TLL1: variants seen among roughly 807,000 people sequenced by gnomAD.
The protein encoded by TLL1 is tolloid-like protein 1.
Under a neutral mutation model 128.2 loss-of-function variants are expected in TLL1, and 49 were observed. That is an observed-to-expected ratio of 0.38 (90% confidence interval 0.30 to 0.48). TLL1 has a LOEUF of 0.48. Among genes scored for constraint, TLL1 ranks in the 20% least tolerant of loss-of-function variants. The probability of loss-of-function intolerance (pLI) is 0.96; values close to 1 mark genes in which losing one functional copy is unlikely to be tolerated. For missense variants in TLL1, 1,123 were observed against 1,242.0 expected (o/e 0.90, Z 1.44); for synonymous variants, 454 against 418.8 (o/e 1.08, Z -1.03).
At chr4:165,894,986 G>A (rs1182614177) in intron 1 of TLL1, among the ~76,000 whole-genome samples, 1 of 151,982 alleles carries the variant, frequency 6.6e-6, no homozygotes, top group Non-Finnish European at 1.5e-5. Context: ...AACAGATTGT[G>A]TGACCATCAT....
rs80245424 is a variant in TLL1 at position 165,947,404 on chromosome 4, G to A, written c.170-41977G>A. Among the ~76,000 whole-genome samples the A allele has an allele frequency of 2.5e-3, 374 of 152,124 alleles. 4 individuals are homozygous for A. Among genetic ancestry groups the A allele is most frequent in the African/African-American group, 8.5e-3 (352 of 41,512 alleles). ...AGGAAGAGGCACAAATATTCAGTCC[G>A]TAACACCTGGCTTCTTCTTGCAGCT... On this transcript the variant is annotated intron_variant, in intron 1 of 20. Transcript: ENST00000061240.
At chr4:165,977,803 C>T (rs1052011674) in intron 1 of TLL1, among the ~76,000 whole-genome samples, 3 of 152,094 alleles carry the variant, frequency 2.0e-5, no homozygotes, top group African/African-American at 4.8e-5. Flanking sequence ...AGGAATAGGT[C>T]GTTCACAAAA....
At chr4:165,892,382 G>C (rs983907419) in intron 1 of TLL1, among the ~76,000 whole-genome samples, 1 of 152,176 alleles carries the variant, frequency 6.6e-6, no homozygotes, top group African/African-American at 2.4e-5. Context: ...TTAAAGGACT[G>C]TTAGAGATTA....
At chr4:165,896,504 A>T (rs1731687746) in intron 1 of TLL1, among the ~76,000 whole-genome samples, 1 of 124,538 alleles carries the variant, frequency 8.0e-6, no homozygotes, top group African/African-American at 3.1e-5. Flanking sequence ...TTTTTTTCAG[A>T]CCGAGTCTCA....
rs869191830 is a variant in TLL1, at chr4:165,963,054, C to CAAAAAAA, written c.170-26307_170-26301dup. Among the ~76,000 whole-genome samples the CAAAAAAA allele has an allele frequency of 2.3e-3, 42 of 18,330 alleles. 4 individuals are homozygous for CAAAAAAA. Among genetic ancestry groups the CAAAAAAA allele is most frequent in the African/African-American group, 6.0e-3 (42 of 6,994 alleles). The allele number at this position is 18,330 out of a possible 152,430, so 12.0% of individuals were successfully genotyped here. A position where few individuals can be genotyped will look rare whatever the true frequency, so the allele number is the denominator to read the frequency against. ...TGGGTGACAGAGCGAGGCTCTGTCT[C>CAAAAAAA]AAAAAAAAAAAAAAAAAAAAAAAAA... On this transcript the variant is annotated intron_variant, in intron 1 of 20. Transcript: ENST00000061240.
chr4:165,954,471 A>G (rs1734681568), intron 1 of TLL1, among the ~76,000 whole-genome samples: 1 of 152,118 alleles, frequency 6.6e-6, no homozygotes, highest in African/African-American at 2.4e-5. Flanking sequence ...TAGGAGTGTG[A>G]GAGCGAAAGA....
intron 8 of TLL1, among the ~76,000 whole-genome samples, chr4:166,015,224 A>C (rs2111052267): frequency 6.6e-6 from 1 of 152,162 alleles, no homozygotes; most frequent in Non-Finnish European, 1.5e-5. Flanking sequence ...TATTTGAAAT[A>C]TCCTACAGCA....
chr4:165,938,372 T>G (rs1293275508), intron 1 of TLL1, among the ~76,000 whole-genome samples: 2 of 152,134 alleles, frequency 1.3e-5, no homozygotes, highest in Non-Finnish European at 2.9e-5. Context: ...GGTGCCTTAG[T>G]GCAGGTCTTC....
intron 1 of TLL1, among the ~76,000 whole-genome samples, chr4:165,922,367 C>T (rs1230472315): frequency 6.6e-6 from 1 of 152,110 alleles, no homozygotes; most frequent in African/African-American, 2.4e-5. Flanking sequence ...TCAATATTTC[C>T]GTAGCTATGG....
At chr4:165,953,269 G>A (rs1218246498) in intron 1 of TLL1, among the ~76,000 whole-genome samples, 1 of 151,950 alleles carries the variant, frequency 6.6e-6, no homozygotes, top group African/African-American at 2.4e-5. Flanking sequence ...ATTTATTGTT[G>A]TTGTTCGGGT....
intron 10 of TLL1, 71 bp from the exon 11 acceptor site, chr4:166,041,956 A>T: frequency 9.8e-7 from 1 of 1,025,270 alleles, no homozygotes; most frequent in African/African-American, 1.6e-5. Context: ...ATTATTTGTG[A>T]CTAGTACAAA....
intron 8 of TLL1, among the ~76,000 whole-genome samples, chr4:166,018,367 G>A (rs1276766074): frequency 6.6e-6 from 1 of 152,074 alleles, no homozygotes; most frequent in Non-Finnish European, 1.5e-5. Flanking sequence ...ATAAAACATA[G>A]GGATCACCAT....
intron 1 of TLL1, among the ~76,000 whole-genome samples, chr4:165,979,969 A>G (rs1302705598): frequency 6.6e-6 from 1 of 152,156 alleles, no homozygotes; most frequent in African/African-American, 2.4e-5. Flanking sequence ...AATGAACGTG[A>G]CAATCAGAAA....
chr4:165,950,909 C>G (rs1202743194), intron 1 of TLL1, among the ~76,000 whole-genome samples: 1 of 151,820 alleles, frequency 6.6e-6, no homozygotes, highest in Non-Finnish European at 1.5e-5. Context: ...AAGATCAAAG[C>G]AAAAGTCATT....
At chr4:165,961,942 A>G (rs998898344) in intron 1 of TLL1, among the ~76,000 whole-genome samples, 1 of 152,198 alleles carries the variant, frequency 6.6e-6, no homozygotes, top group Admixed American at 6.6e-5. Context: ...CTCAAAAACT[A>G]GACATCGAAG....
intron 1 of TLL1, among the ~76,000 whole-genome samples, chr4:165,916,638 G>A (rs986896278): frequency 6.6e-6 from 1 of 152,120 alleles, no homozygotes; most frequent in South Asian, 2.1e-4. Context: ...CTGCATGATT[G>A]AAAACTTTCT....
intron 1 of TLL1, among the ~76,000 whole-genome samples, chr4:165,953,708 A>T (rs1194205480): frequency 6.6e-6 from 1 of 151,832 alleles, no homozygotes; most frequent in African/African-American, 2.4e-5. Flanking sequence ...ACGAAATGCC[A>T]TTTACACACC....
intron 14 of TLL1, among the ~76,000 whole-genome samples, chr4:166,057,780 T>G (rs1189858824): frequency 3.3e-5 from 5 of 152,004 alleles, no homozygotes; most frequent in African/African-American, 1.2e-4. Flanking sequence ...TGTAAAATCA[T>G]CAGATTTCGT....
chr4:165,916,636 T>C (rs1732788084), intron 1 of TLL1, among the ~76,000 whole-genome samples: 2 of 152,292 alleles, frequency 1.3e-5, no homozygotes, highest in Admixed American at 6.5e-5. Flanking sequence ...TGCTGCATGA[T>C]TGAAAACTTT....
Sources: allele counts gnomAD v4.1 joint callset (sites outside exome capture counted in the v4.1 genomes callset), GRCh38; gene constraint gnomAD v4.1.1; transcripts MANE v1.5; gene names NCBI Gene and HGNC (gene_info 2026-07-23, HGNC 2026-07-21).